CAMK1D: variants seen among roughly 807,000 people sequenced by gnomAD.
CAMK1D encodes the protein calcium/calmodulin dependent protein kinase ID.
A neutral mutation model predicts 47.7 loss-of-function variants in CAMK1D; 9 were observed. The observed-to-expected ratio is 0.19, with a 90% confidence interval of 0.11 to 0.33. CAMK1D has a LOEUF of 0.33. Among genes scored for constraint, CAMK1D ranks in the 10% least tolerant of loss-of-function variants. The pLI, the probability that CAMK1D is intolerant of heterozygous loss-of-function variation, is 1.00. For missense variants in CAMK1D, 291 were observed against 488.7 expected (o/e 0.60, Z 3.81); for synonymous variants, 184 against 184.9 (o/e 0.99, Z 0.04).
intron 3 of CAMK1D, among the ~76,000 whole-genome samples, chr10:12,757,598 G>C (rs938240898): frequency 6.6e-6 from 1 of 152,194 alleles, no homozygotes; most frequent in Non-Finnish European, 1.5e-5. Context: ...CTCACAACTA[G>C]CTCTATGAAT....
At chr10:12,604,072 G>C (rs1427068402) in intron 2 of CAMK1D, among the ~76,000 whole-genome samples, 1 of 150,930 alleles carries the variant, frequency 6.6e-6, no homozygotes, top group Non-Finnish European at 1.5e-5. Flanking sequence ...TAGTAGTTAA[G>C]TTCCTCTGTC....
chr10:12,495,577 A>C (rs557493900), intron 1 of CAMK1D, among the ~76,000 whole-genome samples: 2 of 152,314 alleles, frequency 1.3e-5, no homozygotes, highest in African/African-American at 2.4e-5. Flanking sequence ...AGAATCCCAG[A>C]ATGGTTCATG....
intron 1 of CAMK1D, among the ~76,000 whole-genome samples, chr10:12,446,681 G>A (rs1350211879): frequency 6.6e-6 from 1 of 152,188 alleles, no homozygotes; most frequent in African/African-American, 2.4e-5. Flanking sequence ...TGTTTCTAAA[G>A]TCTGGATAGT....
At chr10:12,776,310 T>C (rs919574442) in intron 5 of CAMK1D, among the ~76,000 whole-genome samples, 1 of 152,216 alleles carries the variant, frequency 6.6e-6, no homozygotes, top group African/African-American at 2.4e-5. Flanking sequence ...TTGTCTTTGC[T>C]GGAGGTGGAA....
At chr10:12,432,297 C>T (rs1832501372) in intron 1 of CAMK1D, among the ~76,000 whole-genome samples, 1 of 152,334 alleles carries the variant, frequency 6.6e-6, no homozygotes, top group South Asian at 2.1e-4. Flanking sequence ...TCCTATCACC[C>T]TTACCTTCGT....
At chr10:12,723,695 T>C (rs1834493025) in intron 3 of CAMK1D, among the ~76,000 whole-genome samples, 1 of 152,234 alleles carries the variant, frequency 6.6e-6, no homozygotes, top group Non-Finnish European at 1.5e-5. Context: ...ATTATGTTTA[T>C]ATCCTTGCAG....
At chr10:12,612,147 G>T (rs1234690421) in intron 2 of CAMK1D, among the ~76,000 whole-genome samples, 3 of 152,122 alleles carry the variant, frequency 2.0e-5, no homozygotes, top group Non-Finnish European at 4.4e-5. Flanking sequence ...AGGGAAAGCT[G>T]CTGTGGGTTG....
At chr10:12,663,256 C>T (rs567490748) in intron 2 of CAMK1D, among the ~76,000 whole-genome samples, 8 of 152,266 alleles carry the variant, frequency 5.3e-5, no homozygotes, top group Non-Finnish European at 8.8e-5. Context: ...CAACCGTGCC[C>T]GGCCTCTACT....
intron 2 of CAMK1D, among the ~76,000 whole-genome samples, chr10:12,561,432 G>C (rs1836939830): frequency 6.6e-6 from 1 of 152,120 alleles, no homozygotes; most frequent in African/African-American, 2.4e-5. Context: ...ACCGAGAAGA[G>C]TTGACATTGA....
chr10:12,498,730 G>C (rs1834614484), intron 1 of CAMK1D, among the ~76,000 whole-genome samples: 1 of 152,178 alleles, frequency 6.6e-6, no homozygotes, highest in Admixed American at 6.5e-5. Flanking sequence ...CAAGGTGAGA[G>C]AGGATGGCAA....
intron 2 of CAMK1D, among the ~76,000 whole-genome samples, chr10:12,580,635 A>G (rs1447694884): frequency 6.6e-6 from 1 of 152,186 alleles, no homozygotes; most frequent in Non-Finnish European, 1.5e-5. Context: ...CCCACTAGAA[A>G]GAGAAAAACA....
chr10:12,578,530 A>T (rs1200030132), intron 2 of CAMK1D, among the ~76,000 whole-genome samples: 1 of 140,272 alleles, frequency 7.1e-6, no homozygotes, highest in Non-Finnish European at 1.5e-5. Context: ...AGATCGTGCC[A>T]TTGCACTCCA....
Position 12,830,065 on chromosome 10 carries a change from AC to A in CAMK1D, c.*1181del, listed in dbSNP as rs1391055364. On this transcript the variant is annotated 3_prime_UTR_variant, in exon 11 of 11. Transcript: ENST00000619168. ...GATGCCCACACTGCAGAGATGCAGG[AC>A]CCTCCCTTGCAAAAGGAACCAGCTG... 1 of 151,942 alleles carries A rather than the reference AC, an allele frequency of 6.6e-6. No individual in the cohort carries two copies. The highest frequency in any genetic ancestry group is 1.5e-5 in the Non-Finnish European group (1 of 68,000). 9.4% of individuals were successfully genotyped at this position (151,942 alleles called of 1,614,324 possible). A position where few individuals can be genotyped will look rare whatever the true frequency, so the allele number is the denominator to read the frequency against.
chr10:12,675,945 G>T lies in CAMK1D; in HGVS notation c.299+9135G>T, dbSNP rs527923231. Among the ~76,000 whole-genome samples, 826 of 145,518 alleles carry T rather than the reference G, an allele frequency of 5.7e-3. 11 individuals are homozygous for T. The highest frequency in any genetic ancestry group is 0.022 in the African/African-American group (770 of 35,794). ...AATCGCTTATCTTTTTTTATGTTTT[G>T]TTTGTTTGTTTGTTTGTTTGTTTTG... On this transcript the variant is annotated intron_variant, in intron 3 of 10. Transcript: ENST00000619168.
chr10:12,830,326 A>C lies in CAMK1D; in HGVS notation c.*1439A>C, dbSNP rs1277611288. The C allele has an allele frequency of 1.3e-5, 2 of 152,252 alleles. No individual in the cohort carries two copies. The highest frequency in any genetic ancestry group is 2.4e-5 in the African/African-American group (1 of 41,442). 9.4% of individuals were successfully genotyped at this position (152,252 alleles called of 1,614,324 possible). A position where few individuals can be genotyped will look rare whatever the true frequency, so the allele number is the denominator to read the frequency against. ...GAAGGGAGGGAAGCAGCCTTGGGAA[A>C]GGATCCATTTCTGGTGGTAAGGAGA... On this transcript the variant is annotated 3_prime_UTR_variant, in exon 11 of 11. Transcript: ENST00000619168.
chr10:12,521,495 T>C (rs1564388244), intron 1 of CAMK1D, among the ~76,000 whole-genome samples: 1 of 152,244 alleles, frequency 6.6e-6, no homozygotes, highest in Non-Finnish European at 1.5e-5. Flanking sequence ...AAGTTTGTTT[T>C]ATGATAAAGT....
chr10:12,758,279 A>G (rs1476254973), intron 3 of CAMK1D, among the ~76,000 whole-genome samples: 1 of 152,208 alleles, frequency 6.6e-6, no homozygotes, highest in Non-Finnish European at 1.5e-5. Flanking sequence ...CCATAACAGT[A>G]CCATAGGTTT....
At chr10:12,737,609 C>G (rs767656572) in intron 3 of CAMK1D, among the ~76,000 whole-genome samples, 1 of 152,158 alleles carries the variant, frequency 6.6e-6, no homozygotes, top group Admixed American at 6.5e-5. Context: ...TGCCTGTGAC[C>G]TTACCCACTG....
chr10:12,771,382 G>A (rs545539689), intron 5 of CAMK1D, among the ~76,000 whole-genome samples: 67 of 152,368 alleles, frequency 4.4e-4, no homozygotes, highest in African/African-American at 1.5e-3. Flanking sequence ...GCTGAGGAGA[G>A]CCGGCCTCAA....
Sources: allele counts gnomAD v4.1 joint callset (sites outside exome capture counted in the v4.1 genomes callset), GRCh38; gene constraint gnomAD v4.1.1; transcripts MANE v1.5; gene names NCBI Gene and HGNC (gene_info 2026-07-23, HGNC 2026-07-21).